SLC30A8: variants seen among roughly 807,000 people sequenced by gnomAD.
The protein encoded by SLC30A8 is solute carrier family 30 member 8, also known as proton-coupled zinc antiporter SLC30A8.
SLC30A8 carries 27 observed loss-of-function variants against 36.9 expected under a neutral mutation model. The observed-to-expected ratio is 0.73, with a 90% CI of 0.54 to 1.01. The LOEUF is 1.01. Ranked by LOEUF, SLC30A8 falls within the 50% of genes least tolerant of loss-of-function variation. The probability of loss-of-function intolerance (pLI) is 0.00; values close to 1 mark genes in which losing one functional copy is unlikely to be tolerated. For missense variants in SLC30A8, 439 were observed against 452.0 expected (o/e 0.97, Z 0.26); for synonymous variants, 164 against 172.4 (o/e 0.95, Z 0.38).
chr8:117,087,709 C>T (rs1563587143), intron 2 of SLC30A8, among the ~76,000 whole-genome samples: 1 of 152,150 alleles, frequency 6.6e-6, no homozygotes, highest in Non-Finnish European at 1.5e-5. Context: ...TGATACTTTT[C>T]TCTGGCTCAG....
At chr8:117,080,675 T>C (rs1381637904) in intron 2 of SLC30A8, among the ~76,000 whole-genome samples, 1 of 152,216 alleles carries the variant, frequency 6.6e-6, no homozygotes, top group Non-Finnish European at 1.5e-5. Flanking sequence ...TTCATTCTTT[T>C]TTATGGCTGC....
chr8:117,090,419 A>G (rs1304826319), intron 2 of SLC30A8, among the ~76,000 whole-genome samples: 3 of 152,094 alleles, frequency 2.0e-5, no homozygotes, highest in Non-Finnish European at 4.4e-5. Context: ...GTAAAAAACT[A>G]TCATAGACTG....
chr8:117,096,603 T>C (rs1225611150), intron 2 of SLC30A8, among the ~76,000 whole-genome samples: 1 of 149,864 alleles, frequency 6.7e-6, no homozygotes, highest in African/African-American at 2.5e-5. Flanking sequence ...ACAGAAGTTA[T>C]AAAATTACTA....
At chr8:117,138,758 C>T (rs1038687034) in intron 1 of SLC30A8, among the ~76,000 whole-genome samples, 17 of 151,984 alleles carry the variant, frequency 1.1e-4, no homozygotes, top group African/African-American at 4.1e-4. Context: ...CTAGGGACTA[C>T]GATCCGTATT....
intron 1 of SLC30A8, among the ~76,000 whole-genome samples, chr8:116,996,921 C>A (rs1586376936): frequency 6.6e-6 from 1 of 151,376 alleles, no homozygotes; most frequent in Non-Finnish European, 1.5e-5. Context: ...GCATTGTTTC[C>A]TAAGTAGAAA....
intron 1 of SLC30A8, among the ~76,000 whole-genome samples, chr8:116,958,323 T>C (rs574284121): frequency 7.4e-6 from 1 of 135,600 alleles, no homozygotes; most frequent in African/African-American, 2.8e-5. Context: ...TTTTAATGCC[T>C]GAATTATTTC....
At chr8:117,042,964 C>T (rs1358721813) in intron 2 of SLC30A8, among the ~76,000 whole-genome samples, 1 of 152,230 alleles carries the variant, frequency 6.6e-6, no homozygotes, top group Non-Finnish European at 1.5e-5. Context: ...GCGTGAGCCA[C>T]CGCGCCCAGG....
At chr8:117,146,900 A>G in intron 1 of SLC30A8, 54 bp from the exon 2 acceptor site, 7 of 1,607,032 alleles carry the variant, frequency 4.4e-6, no homozygotes, top group Non-Finnish European at 6.0e-6. Flanking sequence ...TGGGTCAGTG[A>G]GTGGCTTGTT....
chr8:117,124,234 T>G (rs529717736), intron 2 of SLC30A8, among the ~76,000 whole-genome samples: 3 of 151,982 alleles, frequency 2.0e-5, no homozygotes, highest in Non-Finnish European at 4.4e-5. Flanking sequence ...TCTTTAGTTA[T>G]AGGGAGAGGG....
chr8:117,134,494 T>C (rs903374046), upstream of SLC30A8, among the ~76,000 whole-genome samples: 1 of 151,944 alleles, frequency 6.6e-6, no homozygotes, highest in East Asian at 1.9e-4. Flanking sequence ...GAGTGTGAGG[T>C]CTCCCAGGAG....
rs898459257 is a variant in SLC30A8 at position 117,175,929 on chromosome 8, GA to G, written c.*3251del. 9 of 152,012 alleles carry G rather than the reference GA, an allele frequency of 5.9e-5. No individual in the cohort carries two copies. Among genetic ancestry groups the G allele is most frequent in the African/African-American group, 2.2e-4 (9 of 41,410 alleles). The allele number at this position is 152,012 out of a possible 1,614,324, so 9.4% of individuals were successfully genotyped here. A position where few individuals can be genotyped will look rare whatever the true frequency, so the allele number is the denominator to read the frequency against. On this transcript the variant is annotated 3_prime_UTR_variant, in exon 8 of 8. Transcript: ENST00000456015. ...GTCGAATCCCTTTCTGACTGTCTCT[GA>G]AAGCTTCCGCTTTTATCTTTGAAGA...
At chr8:117,062,107 A>C (rs1408663255) in intron 2 of SLC30A8, among the ~76,000 whole-genome samples, 1 of 152,180 alleles carries the variant, frequency 6.6e-6, no homozygotes, top group Non-Finnish European at 1.5e-5. Context: ...TGGACTTTCC[A>C]CACAGGATCC....
chr8:117,156,911 C>T (rs908413018), intron 3 of SLC30A8, among the ~76,000 whole-genome samples: 6 of 152,144 alleles, frequency 3.9e-5, no homozygotes, highest in African/African-American at 1.4e-4. Context: ...TGGGGAAGGA[C>T]TAAATGATGG....
At chr8:117,080,674 T>C (rs980200323) in intron 2 of SLC30A8, among the ~76,000 whole-genome samples, 1 of 152,222 alleles carries the variant, frequency 6.6e-6, no homozygotes, top group East Asian at 1.9e-4. Flanking sequence ...TTTCATTCTT[T>C]TTTATGGCTG....
intron 1 of SLC30A8, among the ~76,000 whole-genome samples, chr8:117,038,522 C>T (rs1235210098): frequency 1.3e-5 from 2 of 152,124 alleles, no homozygotes; most frequent in Non-Finnish European, 2.9e-5. Flanking sequence ...TTGGCCATTC[C>T]TGTACTAATG....
At position 117,157,833 on chromosome 8, in the gene SLC30A8, GGCCAA is replaced by G. The variant is rs1421941735; in HGVS notation, c.562_566del (p.Ala188HisfsTer45). 5 of 1,613,820 alleles carry G rather than the reference GGCCAA, an allele frequency of 3.1e-6. No individual in the cohort carries two copies. The highest frequency in any genetic ancestry group is 1.3e-5 in the African/African-American group (1 of 74,858). ...TCATCGTTTCCAGCTGCGCAGTGGC[GGCCAA>G]CATTGTGTAAGTCATCCCCTGGTCC... On this transcript the variant is annotated frameshift_variant, in exon 4 of 8. Transcript: ENST00000456015. LOFTEE classifies it high-confidence loss of function.
intron 2 of SLC30A8, among the ~76,000 whole-genome samples, chr8:117,054,901 G>GAAA (rs1475707923): frequency 6.6e-6 from 1 of 152,070 alleles, no homozygotes; most frequent in Non-Finnish European, 1.5e-5. Context: ...TTAACTCTCT[G>GAAA]ATTCTCTGAA....
chr8:117,165,679 C>A (rs1313311620), intron 6 of SLC30A8, among the ~76,000 whole-genome samples: 1 of 152,130 alleles, frequency 6.6e-6, no homozygotes, highest in Admixed American at 6.6e-5. Flanking sequence ...AATAAATAAC[C>A]AGAGGAGATT....
chr8:116,993,809 CAAAGT>C (rs1478437406), intron 1 of SLC30A8, among the ~76,000 whole-genome samples: 2 of 151,458 alleles, frequency 1.3e-5, no homozygotes, highest in Non-Finnish European at 2.9e-5. Flanking sequence ...ATCTGAAAGA[CAAAGT>C]AAGGAGAATA....
Sources: gnomAD v4.1 joint callset for allele counts (sites outside exome capture counted in the v4.1 genomes callset) on GRCh38, gnomAD v4.1.1 for gene constraint, MANE v1.5 for transcripts, NCBI Gene and HGNC (gene_info 2026-07-23, HGNC 2026-07-21) for gene names.